The following SMIM19 variants were observed in gnomAD, a reference collection of about 807,000 sequenced individuals.
SMIM19 encodes small integral membrane protein 19.
Under a neutral mutation model 13.2 loss-of-function variants are expected in SMIM19, and 6 were observed. That is an observed-to-expected ratio of 0.45 (90% confidence interval 0.25 to 0.90). SMIM19 has a LOEUF of 0.90. Among genes scored for constraint, SMIM19 ranks in the 40% least tolerant of loss-of-function variants. The pLI is 0.19. For missense variants in SMIM19, 138 were observed against 131.0 expected, an observed-to-expected ratio of 1.05 and a Z score of -0.26; for synonymous variants, 46 against 43.1, an observed-to-expected ratio of 1.07 and a Z score of -0.27.
rs1175896478 is a variant in SMIM19 at position 42,552,820 on chromosome 8, A to G, written c.*212A>G. On this transcript the variant is annotated 3_prime_UTR_variant, in exon 4 of 4. Coordinates refer to ENST00000417410, the MANE Select transcript of SMIM19 (RefSeq NM_001135674.2). ...CAGGGAACCTGCACATATCCAGGAT[A>G]TGTGTAACCAGCGATGGTGACTTGA... 17 of 507,112 alleles carry G rather than the reference A, an allele frequency of 3.4e-5. No homozygotes were observed. The highest frequency in any genetic ancestry group is 5.9e-5 in the Non-Finnish European group (17 of 287,362). 31.4% of individuals were successfully genotyped at this position (507,112 alleles called of 1,614,324 possible). A position where few individuals can be genotyped will look rare whatever the true frequency, so the allele number is the denominator to read the frequency against.
At chr8:42,546,420 G>A (rs746846936) in intron 1 of SMIM19, 49 bp from the exon 2 acceptor site, 1 of 1,563,266 alleles carries the variant, frequency 6.4e-7, no homozygotes, top group Non-Finnish European at 8.6e-7. Context: ...TCCAGACAGT[G>A]CTACCATCAT....
chr8:42,553,454 C>G lies in SMIM19; in HGVS notation c.*846C>G, dbSNP rs1395843755. On this transcript the variant is annotated 3_prime_UTR_variant, in exon 4 of 4. Coordinates refer to ENST00000417410, the MANE Select transcript of SMIM19 (RefSeq NM_001135674.2). ...TCTGCGGTAGTAGTGCTACCACTGG[C>G]GAGGCAGTATTACTGCCACTGGTGA... is the stretch of plus-strand genomic sequence containing the variant. 1.3e-5 allele frequency: 2 copies of G among 152,190 alleles called. No individual in the cohort carries two copies. The highest frequency in any genetic ancestry group is 2.9e-5 in the Non-Finnish European group (2 of 68,046). The allele number at this position is 152,190 out of a possible 1,614,324, so 9.4% of individuals were successfully genotyped here.
chr8:42,544,993 CCAAA>C (rs1490420432), intron 1 of SMIM19, among the ~76,000 whole-genome samples: 8 of 152,180 alleles, frequency 5.3e-5, no homozygotes, highest in African/African-American at 1.9e-4. Context: ...AAAAAAATCA[CCAAA>C]CAACTTTTTA....
rs1253548346 is a variant in SMIM19, at chr8:42,548,650, G to A, written c.135-6G>A. The stretch of plus-strand genomic sequence containing the variant: ...AACATCTCTTCTGCATGGATTTTGT[G>A]TTTAGGAACAAAAGGAGAATTATGA... On this transcript the variant is annotated splice_polypyrimidine_tract_variant and splice_region_variant and intron_variant, in intron 2 of 3. Coordinates refer to ENST00000417410, the MANE Select transcript of SMIM19 (RefSeq NM_001135674.2). 1 of 1,613,388 alleles carries A rather than the reference G, an allele frequency of 6.2e-7. No individual in the cohort carries two copies. Among genetic ancestry groups the A allele is most frequent in the East Asian group, 2.2e-5 (1 of 44,808 alleles).
At chr8:42,551,508 T>C (rs1813676268) in intron 3 of SMIM19, among the ~76,000 whole-genome samples, 1 of 152,240 alleles carries the variant, frequency 6.6e-6, no homozygotes, top group Admixed American at 6.5e-5. Context: ...AAGACATTTA[T>C]TATATGTTTA....
At chr8:42,544,979 G>C (rs888745714) in intron 1 of SMIM19, among the ~76,000 whole-genome samples, 9 of 152,176 alleles carry the variant, frequency 5.9e-5, no homozygotes, top group Non-Finnish European at 1.3e-4. Context: ...TGTAGGCAGC[G>C]TAGAAAAAAA....
In SMIM19 at chr8:42,554,596, G is replaced by A. The variant is rs1054132387; in HGVS notation, c.*1988G>A. Reference sequence around the variant, plus strand: ...CGTTTTTTCCTTAAAGCAAACTGATGGGAATTGCACACACCCCACTGGCAG... The same window carrying A: ...CGTTTTTTCCTTAAAGCAAACTGATAGGAATTGCACACACCCCACTGGCAG... On this transcript the variant is annotated 3_prime_UTR_variant, in exon 4 of 4. Coordinates refer to ENST00000417410, the MANE Select transcript of SMIM19 (RefSeq NM_001135674.2). 3 of 152,152 alleles carry A rather than the reference G, an allele frequency of 2.0e-5. No homozygotes were observed. Among genetic ancestry groups the A allele is most frequent in the African/African-American group, 7.2e-5 (3 of 41,428 alleles). The allele number at this position is 152,152 out of a possible 1,614,324, so 9.4% of individuals were successfully genotyped here.
intron 3 of SMIM19, among the ~76,000 whole-genome samples, chr8:42,552,168 C>T (rs765816509): frequency 4.6e-5 from 7 of 151,932 alleles, no homozygotes; most frequent in Non-Finnish European, 1.0e-4. Context: ...TCTGTAATCC[C>T]AGCACTTTAA....
At position 42,541,797 on chromosome 8, in the gene SMIM19, G is replaced by A. The variant is rs1370805198; in HGVS notation, c.-581G>A. 6.7e-6 allele frequency: 1 copy of A among 149,846 alleles called. No homozygotes were observed. The highest frequency in any genetic ancestry group is 2.4e-5 in the African/African-American group (1 of 41,006). The allele number at this position is 149,846 out of a possible 1,614,324, so 9.3% of individuals were successfully genotyped here. ...CGCCGCCCGCCCCGCCCCGGACGCG[G>A]GGGTAAGGGGGGTGGCCGCCCGCCT... On this transcript the variant is annotated 5_prime_UTR_variant, in exon 1 of 4. Transcript: ENST00000417410.
intron 3 of SMIM19, among the ~76,000 whole-genome samples, chr8:42,549,985 A>G (rs1404760542): frequency 6.6e-6 from 1 of 152,024 alleles, no homozygotes; most frequent in African/African-American, 2.4e-5. Context: ...AATCCCAGCT[A>G]CTCAGGAGGT....
chr8:42,548,713 A>G lies in SMIM19; in HGVS notation c.192A>G (p.Ser64=), dbSNP rs975114960. The change falls in exon 3 of 4, where the codon TCA becomes TCG. Residue 64 remains serine, a synonymous_variant. Transcript: ENST00000417410. ...FSVPPTEETL[S]EPNFYDTISK... Reference sequence around the variant, plus strand: ...TGCCACCTACAGAGGAAACTTTGTCAGAGCCCAACTTTTATGACACGATAA... The same window carrying G: ...TGCCACCTACAGAGGAAACTTTGTCGGAGCCCAACTTTTATGACACGATAA... The G allele has an allele frequency of 8.1e-6, 13 of 1,613,868 alleles. No individual in the cohort carries two copies. The highest frequency in any genetic ancestry group is 1.1e-5 in the Non-Finnish European group (13 of 1,179,946).
intron 3 of SMIM19, among the ~76,000 whole-genome samples, chr8:42,552,293 C>T (rs1260099679): frequency 1.3e-5 from 2 of 152,054 alleles, no homozygotes; most frequent in African/African-American, 4.8e-5. Flanking sequence ...TGGTGTCTGT[C>T]TGTGGTCTCA....
Position 42,541,601 on chromosome 8 carries a change from C to CA in SMIM19, c.-776dup, listed in dbSNP as rs1289989686. The CA allele has an allele frequency of 6.7e-6, 1 of 149,648 alleles. No homozygotes were observed. The highest frequency in any genetic ancestry group is 2.4e-5 in the African/African-American group (1 of 41,116). The allele number at this position is 149,648 out of a possible 1,614,324, so 9.3% of individuals were successfully genotyped here. ...GGAAATGACGAAGGCAGAGGGCGTC[C>CA]AGGTCCGCTCGGTAACCGTTTCCCG... On this transcript the variant is annotated 5_prime_UTR_variant, in exon 1 of 4. Coordinates refer to ENST00000417410, the MANE Select transcript of SMIM19 (RefSeq NM_001135674.2).
Position 42,548,661 on chromosome 8 carries a change from A to G in SMIM19, c.140A>G (p.Lys47Arg). The G allele has an allele frequency of 1.2e-6, 2 of 1,613,654 alleles. No homozygotes were observed. Among genetic ancestry groups the G allele is most frequent in the Non-Finnish European group, 1.7e-6 (2 of 1,179,818 alleles). The change falls in exon 3 of 4, where the codon AAA becomes AGA. Residue 47 changes from lysine (K) to arginine (R), a missense_variant. Coordinates refer to ENST00000417410, the MANE Select transcript of SMIM19 (RefSeq NM_001135674.2). ...TGCATGGATTTTGTGTTTAGGAACAAAAGGAGAATTATGAGGATATTCAGT... is the reference window on the plus strand; with the variant it reads ...TGCATGGATTTTGTGTTTAGGAACAGAAGGAGAATTATGAGGATATTCAGT... ...FGLFMYAKRN[K>R]RRIMRIFSVP...
intron 1 of SMIM19, among the ~76,000 whole-genome samples, chr8:42,542,909 C>T (rs1586319839): frequency 1.3e-5 from 2 of 150,500 alleles, no homozygotes; most frequent in African/African-American, 4.9e-5. Flanking sequence ...GATTCTGGGA[C>T]GTCGAGGCTG....
At position 42,548,655 on chromosome 8, in the gene SMIM19, G is replaced by A. The variant is rs867705577; in HGVS notation, c.135-1G>A. ...CTCTTCTGCATGGATTTTGTGTTTAGGAACAAAAGGAGAATTATGAGGATA... is the reference window on the plus strand; with the variant it reads ...CTCTTCTGCATGGATTTTGTGTTTAAGAACAAAAGGAGAATTATGAGGATA... On this transcript the variant is annotated splice_acceptor_variant, in intron 2 of 3. Transcript: ENST00000417410. LOFTEE classifies it high-confidence loss of function. The A allele has an allele frequency of 6.2e-7, 1 of 1,613,250 alleles. No individual in the cohort carries two copies. The highest frequency in any genetic ancestry group is 8.5e-7 in the Non-Finnish European group (1 of 1,179,720).
At chr8:42,551,128 C>T (rs1298806010) in intron 3 of SMIM19, among the ~76,000 whole-genome samples, 1 of 151,718 alleles carries the variant, frequency 6.6e-6, no homozygotes, top group Non-Finnish European at 1.5e-5. Flanking sequence ...ACCATCCTGG[C>T]TAACACAGTG....
chr8:42,550,035 G>A (rs1264964436), intron 3 of SMIM19, among the ~76,000 whole-genome samples: 1 of 152,050 alleles, frequency 6.6e-6, no homozygotes, highest in Non-Finnish European at 1.5e-5. Flanking sequence ...GGCAGAGGTT[G>A]CAGTGAGCAG....
At chr8:42,542,902 T>A (rs1053606111) in intron 1 of SMIM19, among the ~76,000 whole-genome samples, 2 of 151,260 alleles carry the variant, frequency 1.3e-5, no homozygotes, top group Non-Finnish European at 2.9e-5. Context: ...ATCCCTCGAT[T>A]CTGGGACGTC....
Sources: allele counts gnomAD v4.1 joint callset (sites outside exome capture counted in the v4.1 genomes callset), GRCh38; gene constraint gnomAD v4.1.1; transcripts MANE v1.5; gene names NCBI Gene and HGNC (gene_info 2026-07-23, HGNC 2026-07-21).